The following SLIT3 variants were observed in gnomAD, a reference collection of about 807,000 sequenced individuals.
SLIT3 encodes slit homolog 3 protein.
A neutral mutation model predicts 184.0 loss-of-function variants in SLIT3; 68 were observed. That is an observed-to-expected ratio of 0.37 (90% CI 0.30 to 0.45). SLIT3 has a LOEUF of 0.45. Ranked by LOEUF, SLIT3 falls within the 20% of genes least tolerant of loss-of-function variation. The pLI, the probability that SLIT3 is intolerant of heterozygous loss-of-function variation, is 1.00. For missense variants in SLIT3, 1,707 were observed against 2,026.0 expected (o/e 0.84, Z 3.02); for synonymous variants, 831 against 828.6 (o/e 1.00, Z -0.05).
chr5:169,143,623 A>C (rs536016382), intron 4 of SLIT3, among the ~76,000 whole-genome samples: 1 of 152,346 alleles, frequency 6.6e-6, no homozygotes, highest in South Asian at 2.1e-4. Flanking sequence ...ACATGGCGAA[A>C]ACCCGTCTCT....
intron 3 of SLIT3, among the ~76,000 whole-genome samples, chr5:169,215,001 G>T (rs548260739): frequency 6.6e-6 from 1 of 152,074 alleles, no homozygotes; most frequent in Non-Finnish European, 1.5e-5. Context: ...CTCCAGTCTC[G>T]CTCCTCACCC....
chr5:169,028,225 G>A (rs927523988), intron 4 of SLIT3, among the ~76,000 whole-genome samples: 32 of 147,700 alleles, frequency 2.2e-4, no homozygotes, highest in African/African-American at 8.2e-4. Context: ...TTCTCCAAAT[G>A]TTTGGTTATT....
intron 4 of SLIT3, among the ~76,000 whole-genome samples, chr5:169,173,069 C>T (rs1251366902): frequency 1.3e-5 from 2 of 152,144 alleles, no homozygotes; most frequent in Non-Finnish European, 2.9e-5. Context: ...CGAGACCAGG[C>T]TGACTAACAT....
chr5:168,900,924 G>A (rs1262490190), intron 4 of SLIT3, among the ~76,000 whole-genome samples: 1 of 152,322 alleles, frequency 6.6e-6, no homozygotes, highest in South Asian at 2.1e-4. Flanking sequence ...CATGGACATA[G>A]AGGAGAATGA....
chr5:169,005,071 G>A (rs914983558), intron 4 of SLIT3, among the ~76,000 whole-genome samples: 2 of 152,148 alleles, frequency 1.3e-5, no homozygotes, highest in East Asian at 1.9e-4. Flanking sequence ...GGAATACTTC[G>A]TGTTTCTGTG....
At chr5:169,236,027 G>A (rs1032468393) in intron 3 of SLIT3, among the ~76,000 whole-genome samples, 2 of 152,070 alleles carry the variant, frequency 1.3e-5, no homozygotes, top group African/African-American at 4.8e-5. Flanking sequence ...CAGTGAGTTA[G>A]GTTCAATCTC....
At chr5:168,807,420 T>C (rs1031006576) in intron 8 of SLIT3, among the ~76,000 whole-genome samples, 5 of 152,196 alleles carry the variant, frequency 3.3e-5, no homozygotes, top group African/African-American at 9.7e-5. Flanking sequence ...TTTAAGGACA[T>C]TGTAAACATT....
chr5:169,177,982 A>C (rs1218159068), intron 4 of SLIT3, among the ~76,000 whole-genome samples: 1 of 151,952 alleles, frequency 6.6e-6, no homozygotes, highest in Non-Finnish European at 1.5e-5. Context: ...TTGTCCTTTC[A>C]GCTCCTTTCC....
intron 4 of SLIT3, among the ~76,000 whole-genome samples, chr5:168,986,324 G>C (rs1471540855): frequency 1.3e-5 from 2 of 152,072 alleles, no homozygotes; most frequent in Non-Finnish European, 2.9e-5. Flanking sequence ...GTTTGTGAAG[G>C]AGCCATGCAC....
At chr5:168,674,488 A>ATTTTTT (rs1761349826) in intron 32 of SLIT3, among the ~76,000 whole-genome samples, 1 of 125,038 alleles carries the variant, frequency 8.0e-6, no homozygotes, top group Non-Finnish European at 1.6e-5. Context: ...TGGGATATTC[A>ATTTTTT]CTTTTTTTTT....
intron 4 of SLIT3, among the ~76,000 whole-genome samples, chr5:169,036,783 T>C (rs1036965780): frequency 6.6e-6 from 1 of 152,186 alleles, no homozygotes; most frequent in Non-Finnish European, 1.5e-5. Context: ...GGAGTCTAGA[T>C]GTCAAAATGA....
intron 3 of SLIT3, among the ~76,000 whole-genome samples, chr5:169,219,328 A>G (rs184799104): frequency 2.0e-3 from 309 of 152,370 alleles, no homozygotes; most frequent in Non-Finnish European, 3.6e-3. Context: ...AGTACATTGT[A>G]GGTTTTAATT....
intron 20 of SLIT3, among the ~76,000 whole-genome samples, chr5:168,726,935 C>A (rs1763150634): frequency 6.6e-6 from 1 of 151,346 alleles, no homozygotes; most frequent in African/African-American, 2.4e-5. Flanking sequence ...CGCTTAAACC[C>A]AGGAGGCAGA....
At chr5:169,042,738 C>T (rs111334248) in intron 4 of SLIT3, among the ~76,000 whole-genome samples, 3 of 152,044 alleles carry the variant, frequency 2.0e-5, no homozygotes, top group African/African-American at 7.2e-5. Context: ...ATTGCCAACC[C>T]GAGAATCAAA....
intron 1 of SLIT3, among the ~76,000 whole-genome samples, chr5:169,269,690 C>T (rs1386176488): frequency 6.6e-6 from 1 of 152,260 alleles, no homozygotes; most frequent in Non-Finnish European, 1.5e-5. Context: ...AGCCACTTCT[C>T]CCATGTGGCA....
intron 5 of SLIT3, among the ~76,000 whole-genome samples, chr5:168,867,535 T>C (rs1759350994): frequency 6.6e-6 from 1 of 152,218 alleles, no homozygotes; most frequent in Non-Finnish European, 1.5e-5. Context: ...TAGGGCAAAG[T>C]CACTCACTTC....
chr5:168,918,321 T>C (rs1215901553), intron 4 of SLIT3, among the ~76,000 whole-genome samples: 3 of 152,212 alleles, frequency 2.0e-5, no homozygotes, highest in Non-Finnish European at 4.4e-5. Context: ...AAATTTCAAC[T>C]GCGCACTGCA....
intron 4 of SLIT3, among the ~76,000 whole-genome samples, chr5:169,062,899 C>T (rs1758225744): frequency 6.6e-6 from 1 of 152,172 alleles, no homozygotes; most frequent in Non-Finnish European, 1.5e-5. Flanking sequence ...ACAGGAATGT[C>T]CAGGAAGGTG....
intron 4 of SLIT3, among the ~76,000 whole-genome samples, chr5:169,148,882 TAAA>T (rs11325086): frequency 2.0e-5 from 3 of 148,988 alleles, no homozygotes; most frequent in African/African-American, 7.3e-5. Flanking sequence ...CAGTGTTACT[TAAA>T]AAAAAAAAAA....
Sources: gnomAD v4.1 joint callset for allele counts (sites outside exome capture counted in the v4.1 genomes callset) on GRCh38, gnomAD v4.1.1 for gene constraint, MANE v1.5 for transcripts, NCBI Gene and HGNC (gene_info 2026-07-23, HGNC 2026-07-21) for gene names.